Variants in TUB observed in about 807,000 individuals in gnomAD.
TUB encodes the protein tubby protein homolog.
In TUB, 33 loss-of-function variants were observed where a neutral mutation model predicts 59.7. The ratio of observed to expected loss-of-function variants is 0.55; its 90% confidence interval spans 0.42 to 0.74. The LOEUF (loss-of-function observed/expected upper bound fraction) is 0.74, where lower values mean the gene tolerates loss of function less well. Ranked by LOEUF, TUB falls within the 30% of genes least tolerant of loss-of-function variation. The probability of loss-of-function intolerance (pLI) is 0.00; values close to 1 mark genes in which losing one functional copy is unlikely to be tolerated. For synonymous variants in TUB, 293 were observed against 256.4 expected, an observed-to-expected ratio of 1.14 and a Z score of -1.36; for missense variants, 659 against 672.0, an observed-to-expected ratio of 0.98 and a Z score of 0.21.
chr11:8,095,453 C>T lies in TUB; in HGVS notation c.398-45C>T, dbSNP rs1943944630. The T allele has an allele frequency of 9.6e-6, 15 of 1,564,194 alleles. No individual in the cohort carries two copies. The East Asian group carries it at 3.4e-4, about 35-fold the overall frequency. On this transcript the variant is annotated intron_variant, in intron 4 of 11. Transcript: ENST00000299506. ...TGGACGTCTGAGAATCCAGGCCCTC[C>T]TCTCCTCCTCCTGGATGTAACTCAG...
chr11:8,094,671 C>G (rs1166742938), intron 4 of TUB, among the ~76,000 whole-genome samples: 1 of 152,214 alleles, frequency 6.6e-6, no homozygotes, highest in Non-Finnish European at 1.5e-5. Context: ...CACAGACCAG[C>G]CTGTTCCCTC....
intron 3 of TUB, among the ~76,000 whole-genome samples, chr11:8,092,657 G>C (rs1383107435): frequency 1.3e-5 from 2 of 152,154 alleles, no homozygotes; most frequent in Admixed American, 1.3e-4. Context: ...TTGAACATGT[G>C]ACATTTGATT....
At chr11:8,071,881 C>T (rs952876677) in intron 2 of TUB, among the ~76,000 whole-genome samples, 15 of 152,212 alleles carry the variant, frequency 9.9e-5, no homozygotes, top group African/African-American at 3.6e-4. Context: ...ACTTGCCTGT[C>T]TCCAGGGAGA....
intron 1 of TUB, among the ~76,000 whole-genome samples, chr11:8,088,561 C>CGCCT (rs947137008): frequency 6.6e-6 from 1 of 152,236 alleles, no homozygotes; most frequent in African/African-American, 2.4e-5. Context: ...CACTCGGGCA[C>CGCCT]GCCTGTGCAG....
At position 8,094,033 on chromosome 11, in the gene TUB, G is replaced by GT; in HGVS notation, c.254-10dup. The GT allele has an allele frequency of 6.2e-7, 1 of 1,614,160 alleles. No individual in the cohort carries two copies. Among genetic ancestry groups the GT allele is most frequent in the Non-Finnish European group, 8.5e-7 (1 of 1,180,030 alleles). On this transcript the variant is annotated splice_polypyrimidine_tract_variant and intron_variant, in intron 3 of 11. Coordinates refer to ENST00000299506, the MANE Select transcript of TUB (RefSeq NM_177972.3). ...TGTTTCTCTCTCTCCATCTGGGGAT[G>GT]TTTCCTGAGCAGTTCAAGAGGCCGA...
At chr11:8,030,826 G>A (rs1048137737) in intron 1 of TUB, among the ~76,000 whole-genome samples, 2 of 152,110 alleles carry the variant, frequency 1.3e-5, no homozygotes, top group Admixed American at 6.5e-5. Flanking sequence ...GCAAGGTCAC[G>A]TTCCTCTACA....
At chr11:8,049,504 G>A (rs1306755823) in intron 2 of TUB, among the ~76,000 whole-genome samples, 1 of 150,530 alleles carries the variant, frequency 6.6e-6, no homozygotes, top group Non-Finnish European at 1.5e-5. Flanking sequence ...AAGAAGTAGT[G>A]GCTTATTGCC....
chr11:8,097,839 C>T lies in TUB; in HGVS notation c.998+13C>T, dbSNP rs749312606. ...TCGGGAAACTGCGGTACTAGCATTCCCCCAGGAAGCAGGCGGGAGTGGGAG... is the reference window on the plus strand; with the variant it reads ...TCGGGAAACTGCGGTACTAGCATTCTCCCAGGAAGCAGGCGGGAGTGGGAG... On this transcript the variant is annotated intron_variant, in intron 8 of 11. Transcript: ENST00000299506. The T allele has an allele frequency of 1.2e-6, 2 of 1,608,088 alleles. No homozygotes were observed. Among genetic ancestry groups the T allele is most frequent in the East Asian group, 2.2e-5 (1 of 44,840 alleles).
At chr11:8,101,057 G>A (rs1438270144) in intron 11 of TUB, 60 bp downstream of exon 11, 3 of 1,595,332 alleles carry the variant, frequency 1.9e-6, no homozygotes, top group East Asian at 4.5e-5. Context: ...CTTAGCGTAG[G>A]GTTCAGCCCA....
Position 8,092,396 on chromosome 11 carries a change from GAA to G in TUB, c.254-1641_254-1640del, listed in dbSNP as rs944991662. 2.7e-5 allele frequency among the ~76,000 whole-genome samples: 4 copies of G among 148,596 alleles called. No individual in the cohort carries two copies. In the South Asian group the frequency reaches 8.6e-4, roughly 32 times the overall value. On this transcript the variant is annotated intron_variant, in intron 3 of 11. Transcript: ENST00000299506. ...TGATCGTGCCACTGCAATCCAGCAAGAAAAAAAAAAGAAAAAGATAGTTTCTG... is the reference window on the plus strand; with the variant it reads ...TGATCGTGCCACTGCAATCCAGCAAGAAAAAAAAGAAAAAGATAGTTTCTG...
At chr11:8,040,107 C>T (rs766371195) in intron 2 of TUB, among the ~76,000 whole-genome samples, 1 of 152,188 alleles carries the variant, frequency 6.6e-6, no homozygotes, top group African/African-American at 2.4e-5. Flanking sequence ...TCCAGCCCCC[C>T]TGCCCTCCCA....
intron 1 of TUB, among the ~76,000 whole-genome samples, chr11:8,032,910 C>T (rs1339839687): frequency 6.6e-6 from 1 of 152,212 alleles, no homozygotes; most frequent in East Asian, 1.9e-4. Flanking sequence ...GAGTTAACTG[C>T]CGATGAGCAC....
At position 8,105,360 on chromosome 11, in the gene TUB, G is replaced by GGTCTGTAGGTTTGT; in HGVS notation, c.*3742_*3755dup. The GGTCTGTAGGTTTGT allele has an allele frequency of 6.6e-6, 1 of 152,150 alleles. No individual in the cohort carries two copies. Among genetic ancestry groups the GGTCTGTAGGTTTGT allele is most frequent in the South Asian group, 2.1e-4 (1 of 4,822 alleles). The allele number at this position is 152,150 out of a possible 1,614,324, so 9.4% of individuals were successfully genotyped here. Reference sequence around the variant, plus strand: ...GGGACTCTATACTACCCTGGGCTCTGGTCTGTAGGTTTGTAGTAGCCACCG... The same window carrying GGTCTGTAGGTTTGT: ...GGGACTCTATACTACCCTGGGCTCTGGTCTGTAGGTTTGTGTCTGTAGGTTTGTAGTAGCCACCG... On this transcript the variant is annotated 3_prime_UTR_variant, in exon 12 of 12. Transcript: ENST00000299506.
chr11:8,097,376 G>A lies in TUB; in HGVS notation c.836G>A (p.Gly279Asp). ...ITRDKKGMDR[G>D]MYPTYFLHLD... ...CGGGACAAGAAAGGGATGGACCGGG[G>A]CATGTACCCCACCTACTTTCTGCAC... Residue 279 changes from glycine to aspartate, a missense_variant, in exon 7 of 12, where the codon GGC becomes GAC. Physicochemically the swap from Gly to Asp is moderately conservative, Grantham distance 94. Around this residue, in one of 3 missense-constraint regions of TUB, gnomAD observed 112 missense variants for 156.9 expected, o/e 0.71. Coordinates refer to ENST00000299506, the MANE Select transcript of TUB (RefSeq NM_177972.3). The A allele has an allele frequency of 6.2e-7, 1 of 1,614,206 alleles. No homozygotes were observed. Among genetic ancestry groups the A allele is most frequent in the Non-Finnish European group, 8.5e-7 (1 of 1,180,028 alleles).
At chr11:8,040,457 T>G (rs1942730471) in intron 2 of TUB, among the ~76,000 whole-genome samples, 1 of 152,126 alleles carries the variant, frequency 6.6e-6, no homozygotes, top group African/African-American at 2.4e-5. Flanking sequence ...GGGCTCTGCT[T>G]TGCCTCCTCA....
chr11:8,021,374 G>A (rs1942424125), intron 1 of TUB, among the ~76,000 whole-genome samples: 1 of 152,164 alleles, frequency 6.6e-6, no homozygotes, highest in African/African-American at 2.4e-5. Context: ...GGAGGCTGAG[G>A]CTGGAGGATT....
rs1178792371 is a variant in TUB, at chr11:8,103,782, A to G, written c.*2163A>G. The G allele has an allele frequency of 6.6e-6, 1 of 152,636 alleles. No individual in the cohort carries two copies. Among genetic ancestry groups the G allele is most frequent in the South Asian group, 2.1e-4 (1 of 4,834 alleles). 9.5% of individuals were successfully genotyped at this position (152,636 alleles called of 1,614,324 possible). ...ATCGTCTCTAATGTTAGGTCAAGCTATTTCTCTGGATCTATGATTTTAAGA... is the reference window on the plus strand; with the variant it reads ...ATCGTCTCTAATGTTAGGTCAAGCTGTTTCTCTGGATCTATGATTTTAAGA... On this transcript the variant is annotated 3_prime_UTR_variant, in exon 12 of 12. Transcript: ENST00000299506.
chr11:8,044,830 C>A (rs1027091562), intron 2 of TUB, among the ~76,000 whole-genome samples: 1 of 152,138 alleles, frequency 6.6e-6, no homozygotes, highest in African/African-American at 2.4e-5. Context: ...CAGGAAAGCA[C>A]TTTATTTACT....
chr11:8,026,555 C>T (rs1156668117), intron 1 of TUB, among the ~76,000 whole-genome samples: 1 of 149,702 alleles, frequency 6.7e-6, no homozygotes, highest in Non-Finnish European at 1.5e-5. Context: ...TGCCTTTGTA[C>T]CTTTATGGAA....
Sources: allele counts gnomAD v4.1 joint callset (sites outside exome capture counted in the v4.1 genomes callset), GRCh38; gene constraint gnomAD v4.1.1; regional missense constraint gnomAD v4.1.1; transcripts MANE v1.5; gene names NCBI Gene and HGNC (gene_info 2026-07-23, HGNC 2026-07-21).